The following LIPC variants were observed in gnomAD, a reference collection of about 807,000 sequenced individuals.
LIPC encodes lipase C, hepatic type.
LIPC carries 44 observed loss-of-function variants against 50.7 expected under a neutral mutation model. That is an observed-to-expected ratio of 0.87 (90% CI 0.68 to 1.11). The LOEUF (loss-of-function observed/expected upper bound fraction) is 1.11. LIPC is among the 50% of genes most tolerant of loss of function. The probability of loss-of-function intolerance (pLI) is 0.00; values close to 1 mark genes in which losing one functional copy is unlikely to be tolerated. For synonymous variants in LIPC, 271 were observed against 256.4 expected (o/e 1.06, Z -0.54); for missense variants, 697 against 648.2 (o/e 1.08, Z -0.82).
intron 8 of LIPC, among the ~76,000 whole-genome samples, chr15:58,567,374 T>TAC (rs1894427758): frequency 7.4e-6 from 1 of 135,802 alleles, no homozygotes; most frequent in Non-Finnish European, 1.6e-5. Context: ...TGTATATATA[T>TAC]ATATAGTGAA....
At chr15:58,564,042 G>C (rs1287800614) in intron 8 of LIPC, 1 of 416,140 alleles carries the variant, frequency 2.4e-6, no homozygotes, top group Non-Finnish European at 4.5e-6. Context: ...GAATCACCAG[G>C]TGATGTCAGT....
At chr15:58,533,352 T>C (rs1893012435) in intron 1 of LIPC, among the ~76,000 whole-genome samples, 1 of 152,216 alleles carries the variant, frequency 6.6e-6, no homozygotes, top group African/African-American at 2.4e-5. Context: ...AGAGAAAGCA[T>C]TCAATATATA....
Position 58,538,384 on chromosome 15 carries a change from A to T in LIPC, c.140A>T (p.Glu47Val). The change falls in exon 2 of 9, where the codon GAG (glutamate) becomes GTG (valine). Residue 47 changes from glutamate (E) to valine (V), a missense_variant. Glu to Val is a moderately radical substitution (Grantham distance 121). Transcript: ENST00000299022. ...GTTGAAACAAACAAAACGCTGCATG[A>T]GATGAAGACCAGATTCCTGCTCTTT... ...QAVETNKTLH[E>V]MKTRFLLFGE... 1 of 1,614,202 alleles carries T rather than the reference A, an allele frequency of 6.2e-7. No individual in the cohort carries two copies. Among genetic ancestry groups the T allele is most frequent in the Non-Finnish European group, 8.5e-7 (1 of 1,180,028 alleles).
At chr15:58,476,436 C>A (rs1385538384) in intron 1 of LIPC, among the ~76,000 whole-genome samples, 1 of 152,338 alleles carries the variant, frequency 6.6e-6, no homozygotes, top group Admixed American at 6.5e-5. Context: ...CTCCTGATTT[C>A]TCCTGTGTGC....
intron 1 of LIPC, among the ~76,000 whole-genome samples, chr15:58,492,786 A>G (rs1286560502): frequency 6.6e-6 from 1 of 152,180 alleles, no homozygotes; most frequent in East Asian, 1.9e-4. Context: ...CTTAAACCCA[A>G]ATATCCCTGG....
chr15:58,436,684 A>C (rs1291663027), intron 1 of LIPC: 2 of 455,924 alleles, frequency 4.4e-6, no homozygotes, highest in Non-Finnish European at 8.8e-6. Context: ...ATCAGCTAGA[A>C]CAGAACATGG....
chr15:58,494,811 T>C (rs1206664097), intron 1 of LIPC: 2 of 456,312 alleles, frequency 4.4e-6, no homozygotes, highest in South Asian at 3.1e-5. Context: ...TTGCTAGTTC[T>C]TGCTTGGAAA....
intron 5 of LIPC, among the ~76,000 whole-genome samples, chr15:58,547,466 C>T (rs1202947527): frequency 2.0e-5 from 3 of 152,318 alleles, no homozygotes; most frequent in Middle Eastern, 3.4e-3. Flanking sequence ...CGTCCAAGGA[C>T]TGCAGTGACT....
chr15:58,436,577 A>C (rs1893304355), intron 1 of LIPC: 1 of 303,768 alleles, frequency 3.3e-6, no homozygotes. Context: ...AATATGACTG[A>C]AAATACTTTT....
At chr15:58,467,894 C>T (rs1012532354) in intron 1 of LIPC, among the ~76,000 whole-genome samples, 3 of 152,138 alleles carry the variant, frequency 2.0e-5, no homozygotes, top group African/African-American at 7.2e-5. Flanking sequence ...GACTGCACAG[C>T]GGTTGAGAGC....
At chr15:58,493,324 T>G (rs1469545313) in intron 1 of LIPC, among the ~76,000 whole-genome samples, 1 of 152,144 alleles carries the variant, frequency 6.6e-6, no homozygotes, top group African/African-American at 2.4e-5. Flanking sequence ...TGTGGGATCT[T>G]TAACTCCACT....
At chr15:58,539,292 T>C (rs1473483537) in intron 2 of LIPC, among the ~76,000 whole-genome samples, 2 of 152,120 alleles carry the variant, frequency 1.3e-5, no homozygotes, top group African/African-American at 4.8e-5. Context: ...TATAAAAGAG[T>C]GTTTTTTAGG....
rs1893142090 is a variant in LIPC, at chr15:58,432,073, T to C, written c.41T>C (p.Leu14Ser). 6 of 1,614,042 alleles carry C rather than the reference T, an allele frequency of 3.7e-6. No individual in the cohort carries two copies. Among genetic ancestry groups the C allele is most frequent in the East Asian group, 2.2e-5 (1 of 44,894 alleles). Residue 14 changes from leucine to serine, a missense_variant, in exon 1 of 9, where the codon TTA becomes TCA. Leu to Ser is a moderately radical substitution (Grantham distance 145). Coordinates refer to ENST00000299022, the MANE Select transcript of LIPC (RefSeq NM_000236.3). The stretch of plus-strand genomic sequence containing the variant: ...CTGTGTTTCTCCATTCTGTTGGTTT[T>C]ATGCATCTTTATCCAATCAAGTGCC... ...SPLCFSILLV[L>S]CIFIQSSALG...
chr15:58,451,750 C>A (rs202025170), intron 1 of LIPC, among the ~76,000 whole-genome samples: 1 of 152,104 alleles, frequency 6.6e-6, no homozygotes, highest in East Asian at 1.9e-4. Flanking sequence ...CTGTGAGGCA[C>A]GAGGATGAGC....
At chr15:58,444,499 A>C (rs963918267) in intron 1 of LIPC, among the ~76,000 whole-genome samples, 2 of 152,092 alleles carry the variant, frequency 1.3e-5, no homozygotes, top group Admixed American at 6.5e-5. Flanking sequence ...CAACAACAGA[A>C]ATGTATTTTC....
intron 3 of LIPC, among the ~76,000 whole-genome samples, chr15:58,542,205 T>A (rs974298209): frequency 5.3e-5 from 8 of 152,174 alleles, no homozygotes; most frequent in Admixed American, 5.2e-4. Context: ...ATTCCTCTTA[T>A]GCTCACCCCC....
At chr15:58,528,754 G>A (rs1303903812) in intron 1 of LIPC, among the ~76,000 whole-genome samples, 3 of 152,214 alleles carry the variant, frequency 2.0e-5, no homozygotes, top group Non-Finnish European at 4.4e-5. Flanking sequence ...TTCCATCCAC[G>A]GGTCCAGACT....
intron 1 of LIPC, among the ~76,000 whole-genome samples, chr15:58,475,534 A>AC (rs1221142552): frequency 6.6e-6 from 1 of 151,464 alleles, no homozygotes; most frequent in African/African-American, 2.4e-5. Context: ...TCCCTGAACC[A>AC]CCCCCCAGAA....
At chr15:58,551,768 T>A (rs1391365189) in intron 6 of LIPC, among the ~76,000 whole-genome samples, 1 of 152,228 alleles carries the variant, frequency 6.6e-6, no homozygotes, top group Non-Finnish European at 1.5e-5. Flanking sequence ...CATCTAATTG[T>A]ACAATGTATT....
Sources: allele counts gnomAD v4.1 joint callset (sites outside exome capture counted in the v4.1 genomes callset), GRCh38; gene constraint gnomAD v4.1.1; transcripts MANE v1.5; gene names NCBI Gene and HGNC (gene_info 2026-07-23, HGNC 2026-07-21).